Variants in PNN observed in about 807,000 individuals in gnomAD.
The protein encoded by PNN is pinin, desmosome associated protein, also known as pinin.
A neutral mutation model predicts 76.6 loss-of-function variants in PNN; 38 were observed. The observed-to-expected ratio is 0.50, with a 90% CI of 0.38 to 0.65. The LOEUF is 0.65. Ranked by LOEUF, PNN falls within the 30% of genes least tolerant of loss-of-function variation. The probability of loss-of-function intolerance (pLI) is 0.00; values close to 1 mark genes in which losing one functional copy is unlikely to be tolerated. For missense variants in PNN, 873 were observed against 874.1 expected (o/e 1.00, Z 0.02); for synonymous variants, 366 against 283.7 (o/e 1.29, Z -2.91).
Position 39,180,656 on chromosome 14 carries a change from A to T in PNN, c.947A>T (p.Glu316Val). The T allele has an allele frequency of 6.2e-7, 1 of 1,613,040 alleles. No homozygotes were observed. The highest frequency in any genetic ancestry group is 8.5e-7 in the Non-Finnish European group (1 of 1,179,468). Residue 316 changes from glutamate (E) to valine (V), a missense_variant, in exon 9 of 9, where the codon GAG becomes GTG. Glu to Val is a moderately radical substitution (Grantham distance 121). Around this residue, in one of 3 missense-constraint regions of PNN, gnomAD observed 712 missense variants for 693.1 expected, o/e 1.03. Transcript: ENST00000216832. Reference protein sequence around the residue: ...EQEEGKVAQREEELEETGNQH... With the variant: ...EQEEGKVAQRVEELEETGNQH... ...GAAGAGGGTAAGGTGGCTCAGCGAG[A>T]GGAAGAGTTGGAGGAGACAGGTAAT...
chr14:39,177,791 T>A, intron 5 of PNN, 50 bp from the exon 6 acceptor site: 1 of 1,488,370 alleles, frequency 6.7e-7, no homozygotes, highest in Non-Finnish European at 9.4e-7. Flanking sequence ...ATGATGGGTT[T>A]AAATGAAATG....
chr14:39,175,336 T>G lies in PNN; in HGVS notation c.57T>G (p.Leu19=). 1 of 1,612,790 alleles carries G rather than the reference T, an allele frequency of 6.2e-7. No homozygotes were observed. Among genetic ancestry groups the G allele is most frequent in the Non-Finnish European group, 8.5e-7 (1 of 1,179,450 alleles). ...QEQLEKAKES[L]KNVDENIRKL... ...AGCTGGAAAAGGCCAAAGAGAGTCT[T>G]AAGAACGTGGATGAGAACATTCGCA... The change falls in exon 1 of 9, where the codon CTT becomes CTG. Residue 19 remains leucine (L), a synonymous_variant. Transcript: ENST00000216832.
At chr14:39,180,403 T>C in intron 8 of PNN, 100 bp from the exon 9 acceptor site, 2 of 1,288,962 alleles carry the variant, frequency 1.6e-6, no homozygotes, top group African/African-American at 1.5e-5. Context: ...CAAAAACAAA[T>C]TCAGATGAAG....
chr14:39,180,946 A>G lies in PNN; in HGVS notation c.1237A>G (p.Ser413Gly), dbSNP rs1027193799. 2 of 1,613,968 alleles carry G rather than the reference A, an allele frequency of 1.2e-6. No homozygotes were observed. Among genetic ancestry groups the G allele is most frequent in the Admixed American group, 1.7e-5 (1 of 59,974 alleles). ...GGTAATGGAAACTAATCGAGTTGAA[A>G]GTGTAGAACCTTCAGAAAATGAAGC... ...QEVMETNRVE[S>G]VEPSENEASK... Residue 413 changes from serine to glycine, a missense_variant, in exon 9 of 9, where the codon AGT becomes GGT. Transcript: ENST00000216832.
chr14:39,177,476 G>A lies in PNN; in HGVS notation c.319G>A (p.Val107Ile), dbSNP rs773295822. The change falls in exon 4 of 9, where the codon GTT (valine) becomes ATT (isoleucine). Residue 107 changes from valine (V) to isoleucine (I), a missense_variant. Coordinates refer to ENST00000216832, the MANE Select transcript of PNN (RefSeq NM_002687.4). ...GGAAAGCGACCCGGAGGATGATGATGTTAAAAAGGTATTGAGATTGAAAGA... is the reference window on the plus strand; with the variant it reads ...GGAAAGCGACCCGGAGGATGATGATATTAAAAAGGTATTGAGATTGAAAGA... ...RQESDPEDDDVKKPALQSSVV... is the reference protein window; with the variant it reads ...RQESDPEDDDIKKPALQSSVV... 6.2e-7 allele frequency: 1 copy of A among 1,613,718 alleles called. No homozygotes were observed. Among genetic ancestry groups the A allele is most frequent in the Non-Finnish European group, 8.5e-7 (1 of 1,179,606 alleles).
rs1434732630 is a variant in PNN at position 39,181,501 on chromosome 14, A to T, written c.1792A>T (p.Ser598Cys). 6 of 1,601,056 alleles carry T rather than the reference A, an allele frequency of 3.7e-6. No individual in the cohort carries two copies. The highest frequency in any genetic ancestry group is 5.1e-6 in the Non-Finnish European group (6 of 1,173,742). Residue 598 changes from serine to cysteine, a missense_variant, in exon 9 of 9, where the codon AGT becomes TGT. Coordinates refer to ENST00000216832, the MANE Select transcript of PNN (RefSeq NM_002687.4). ...TSSSSGSSSSSGSSSSRSSSS... is the reference protein window; with the variant it reads ...TSSSSGSSSSCGSSSSRSSSS... ...TAGCAGCAGTGGAAGTAGTTCCAGCAGTGGAAGTAGTAGCAGTCGCAGTAG... is the reference window on the plus strand; with the variant it reads ...TAGCAGCAGTGGAAGTAGTTCCAGCTGTGGAAGTAGTAGCAGTCGCAGTAG...
In PNN at chr14:39,176,602, T is replaced by G. The variant is rs758117523; in HGVS notation, c.254+7T>G. The G allele has an allele frequency of 2.5e-6, 4 of 1,569,828 alleles. No homozygotes were observed. Among genetic ancestry groups the G allele is most frequent in the Non-Finnish European group, 3.5e-6 (4 of 1,149,946 alleles). On this transcript the variant is annotated splice_region_variant and intron_variant, in intron 3 of 8. Coordinates refer to ENST00000216832, the MANE Select transcript of PNN (RefSeq NM_002687.4). ...TTGAAGGGGCAGTCAGTAGGTAGGT[T>G]TAAAAAAAGATTCCTGAAGGCTTCT...
Position 39,179,414 on chromosome 14 carries a change from T to G in PNN, c.745T>G (p.Cys249Gly). Residue 249 changes from cysteine (C) to glycine (G), a missense_variant, in exon 8 of 9, where the codon TGT becomes GGT. Cys to Gly is a radical substitution (Grantham distance 159). Transcript: ENST00000216832. The part of the protein sequence containing the change: ...PHLFYIPGRM[C>G]PATQKLIEES... ...TTTGTTTTATATTCCTGGAAGAATG[T>G]GTCCAGCTACCCAAAAACTAATAGA... 6.2e-7 allele frequency: 1 copy of G among 1,613,076 alleles called. No individual in the cohort carries two copies. The highest frequency in any genetic ancestry group is 8.5e-7 in the Non-Finnish European group (1 of 1,179,154).
At chr14:39,176,425 A>T (rs2053224652) in intron 2 of PNN, 102 bp from the exon 3 acceptor site, 2 of 875,486 alleles carry the variant, frequency 2.3e-6, no homozygotes, top group South Asian at 3.2e-5. Flanking sequence ...AGGCTACTTT[A>T]GTTGGAAAGA....
Position 39,177,904 on chromosome 14 carries a change from T to A in PNN, c.486T>A (p.Val162=), listed in dbSNP as rs1566557772. The change falls in exon 6 of 9, where the codon GTT becomes GTA. Residue 162 remains valine (V), a synonymous_variant. Transcript: ENST00000216832. ...TLQKFKQEST[V]ATERQKRRQE... Reference sequence around the variant, plus strand: ...AAAAATTTAAACAAGAATCCACTGTTGCTACTGAAAGGGTATTTATCCAAG... The same window carrying A: ...AAAAATTTAAACAAGAATCCACTGTAGCTACTGAAAGGGTATTTATCCAAG... 6.2e-7 allele frequency: 1 copy of A among 1,602,264 alleles called. No homozygotes were observed.
rs1483777651 is a variant in PNN at position 39,181,633 on chromosome 14, A to G, written c.1924A>G (p.Arg642Gly). The G allele has an allele frequency of 6.2e-7, 1 of 1,613,942 alleles. No homozygotes were observed. The highest frequency in any genetic ancestry group is 1.3e-5 in the African/African-American group (1 of 74,920). ...RSRSRGRGHNRDRKHRRSVDR... is the reference protein window; with the variant it reads ...RSRSRGRGHNGDRKHRRSVDR... Reference sequence around the variant, plus strand: ...TCGGAGTAGGGGCCGGGGACATAATAGAGATAGAAAGCACAGAAGGAGCGT... The same window carrying G: ...TCGGAGTAGGGGCCGGGGACATAATGGAGATAGAAAGCACAGAAGGAGCGT... Residue 642 changes from arginine (R) to glycine (G), a missense_variant, in exon 9 of 9, where the codon AGA (arginine) becomes GGA (glycine). Arg to Gly is a moderately radical substitution (Grantham distance 125). Coordinates refer to ENST00000216832, the MANE Select transcript of PNN (RefSeq NM_002687.4).
Position 39,180,971 on chromosome 14 carries a change from C to G in PNN, c.1262C>G (p.Ala421Gly). 2 of 1,613,546 alleles carry G rather than the reference C, an allele frequency of 1.2e-6. No individual in the cohort carries two copies. The highest frequency in any genetic ancestry group is 1.7e-6 in the Non-Finnish European group (2 of 1,179,780). The change falls in exon 9 of 9, where the codon GCT (alanine) becomes GGT (glycine). Residue 421 changes from alanine (A) to glycine (G), a missense_variant. Ala to Gly is a moderately conservative substitution (Grantham distance 60). Around this residue, in one of 3 missense-constraint regions of PNN, gnomAD observed 712 missense variants for 693.1 expected, o/e 1.03. Transcript: ENST00000216832. Reference protein sequence around the residue: ...VESVEPSENEASKELEPEMEF... With the variant: ...VESVEPSENEGSKELEPEMEF... ...AGTGTAGAACCTTCAGAAAATGAAG[C>G]TAGCAAAGAATTGGAACCAGAAATG...
In PNN at chr14:39,181,798, T is replaced by C; in HGVS notation, c.2089T>C (p.Ser697Pro). Residue 697 changes from serine (S) to proline (P), a missense_variant, in exon 9 of 9, where the codon TCA becomes CCA. Transcript: ENST00000216832. ...RKRSISESSR[S>P]GKRSSRSERD... is the part of the protein sequence containing the mutation. ...GAGGTCTATATCAGAGAGTAGTCGA[T>C]CAGGCAAAAGATCTTCAAGAAGTGA... The C allele has an allele frequency of 6.2e-7, 1 of 1,613,192 alleles. No individual in the cohort carries two copies. Among genetic ancestry groups the C allele is most frequent in the Non-Finnish European group, 8.5e-7 (1 of 1,179,788 alleles).
rs186668939 is a variant in PNN at position 39,176,474 on chromosome 14, A to C, written c.186-53A>C. 185 of 1,310,116 alleles carry C rather than the reference A, an allele frequency of 1.4e-4. No homozygotes were observed. The East Asian group carries it at 4.1e-3, about 29-fold the overall frequency. 81.2% of individuals were successfully genotyped at this position (1,310,116 alleles called of 1,614,324 possible). On this transcript the variant is annotated intron_variant, in intron 2 of 8. Transcript: ENST00000216832. ...AACCATATTCTCTTGTCAAATGGAA[A>C]TACCATTTATCTTGTATTTCAAGTG...
chr14:39,178,005 T>C, intron 6 of PNN, 89 bp downstream of exon 6: 1 of 871,628 alleles, frequency 1.1e-6, no homozygotes, highest in Non-Finnish European at 1.9e-6. Flanking sequence ...TAAAGCTCTT[T>C]TAAGACCTAA....
chr14:39,176,310 C>T (rs2053223560), intron 2 of PNN, 161 bp downstream of exon 2: 2 of 629,184 alleles, frequency 3.2e-6, no homozygotes, highest in East Asian at 2.8e-5. Context: ...TATAGTTATC[C>T]TGAAAAACTG....
rs1431023966 is a variant in PNN, at chr14:39,181,155, CCAGCTT to C, written c.1455_1460del (p.Leu486_Gln487del). On this transcript the variant is annotated inframe_deletion, in exon 9 of 9. Coordinates refer to ENST00000216832, the MANE Select transcript of PNN (RefSeq NM_002687.4). ...CTCAACCTCAGCCTCAGTCTCAGCC[CCAGCTT>C]CAGCTTCAATCCCAGTCCCAACCAG... The C allele has an allele frequency of 1.2e-6, 2 of 1,605,860 alleles. No homozygotes were observed. The highest frequency in any genetic ancestry group is 1.7e-6 in the Non-Finnish European group (2 of 1,172,568).
chr14:39,179,028 T>C, intron 6 of PNN, 63 bp from the exon 7 acceptor site: 2 of 1,450,070 alleles, frequency 1.4e-6, no homozygotes, highest in Non-Finnish European at 1.9e-6. Flanking sequence ...ACTGAAATCA[T>C]ATATACCTTT....
Position 39,181,383 on chromosome 14 carries a change from T to A in PNN, c.1674T>A (p.Thr558=). The A allele has an allele frequency of 6.2e-7, 1 of 1,614,004 alleles. No individual in the cohort carries two copies. The highest frequency in any genetic ancestry group is 8.5e-7 in the Non-Finnish European group (1 of 1,179,996). ...VHPESKSKTK[T]RSRSRGRARN... ...CAGAGAGCAAGAGCAAAACCAAAAC[T>A]AGGAGCAGAAGTAGAGGTCGAGCTA... The change falls in exon 9 of 9, where the codon ACT becomes ACA. Residue 558 remains threonine (T), a synonymous_variant. Transcript: ENST00000216832.
Sources: allele counts gnomAD v4.1 joint callset, GRCh38; gene constraint gnomAD v4.1.1; regional missense constraint gnomAD v4.1.1; transcripts MANE v1.5; gene names NCBI Gene and HGNC (gene_info 2026-07-23, HGNC 2026-07-21).